The following PARN variants were observed in gnomAD, a reference collection of about 807,000 sequenced individuals.
The protein encoded by PARN is poly(A)-specific ribonuclease.
In PARN, 71 loss-of-function variants were observed where a neutral mutation model predicts 102.8. That is an observed-to-expected ratio of 0.69 (90% CI 0.57 to 0.84). The LOEUF (loss-of-function observed/expected upper bound fraction) is 0.84, where lower values mean the gene tolerates loss of function less well. PARN is among the 40% of genes least tolerant of loss of function. PARN has a pLI of 0.00. For missense variants in PARN, 782 were observed against 760.9 expected, an observed-to-expected ratio of 1.03 and a Z score of -0.33; for synonymous variants, 261 against 252.9, an observed-to-expected ratio of 1.03 and a Z score of -0.30.
intron 18 of PARN, chr16:14,565,197 A>T (rs1266034105): frequency 1.3e-5 from 2 of 152,156 alleles, no homozygotes; most frequent in African/African-American, 4.8e-5. Flanking sequence ...AAATAAGCTC[A>T]TTTATTTTGC....
chr16:14,588,824 G>A (rs1970007532), intron 13 of PARN, among the ~76,000 whole-genome samples: 1 of 152,118 alleles, frequency 6.6e-6, no homozygotes, highest in Admixed American at 6.6e-5. Context: ...GGAGGTTGCA[G>A]TGAGCCAAAA....
chr16:14,571,863 G>A (rs1391661214), intron 18 of PARN, among the ~76,000 whole-genome samples: 2 of 152,160 alleles, frequency 1.3e-5, no homozygotes, highest in African/African-American at 2.4e-5. Context: ...GAGCAGAGCC[G>A]GGATTCAACT....
chr16:14,567,221 A>G (rs1968487165), intron 18 of PARN, among the ~76,000 whole-genome samples: 1 of 152,230 alleles, frequency 6.6e-6, no homozygotes, highest in African/African-American at 2.4e-5. Context: ...CATCTTGTAT[A>G]TTAGGGGAAA....
Position 14,628,263 on chromosome 16 carries a change from G to A in PARN, c.98-12C>T. 1 of 1,534,576 alleles carries A rather than the reference G, an allele frequency of 6.5e-7. No individual in the cohort carries two copies. On this transcript the variant is annotated splice_polypyrimidine_tract_variant and intron_variant, in intron 2 of 23. Coordinates refer to ENST00000437198, the MANE Select transcript of PARN (RefSeq NM_002582.4). ...TCCATCACTGATTCCTAGATTTTAA[G>A]AAATAAAAATTTTTAGCTTACTAAT...
intron 21 of PARN, among the ~76,000 whole-genome samples, chr16:14,550,397 G>A (rs1026299942): frequency 3.9e-5 from 6 of 152,162 alleles, no homozygotes; most frequent in Non-Finnish European, 8.8e-5. Flanking sequence ...AAAGCTCAAA[G>A]CCATGCCAAG....
intron 13 of PARN, 41 bp from the exon 14 acceptor site, chr16:14,586,402 C>T (rs575369688): frequency 4.1e-5 from 49 of 1,204,210 alleles, no homozygotes; most frequent in Non-Finnish European, 5.4e-5. Flanking sequence ...TTTCCTAATA[C>T]ACTCGCAGTA....
chr16:14,558,058 T>C (rs2151714800), intron 18 of PARN, among the ~76,000 whole-genome samples: 1 of 152,366 alleles, frequency 6.6e-6, no homozygotes, highest in African/African-American at 2.4e-5. Context: ...TCATGCTTCA[T>C]ATAATTTTCA....
chr16:14,470,602 G>C (rs909298166), intron 22 of PARN, among the ~76,000 whole-genome samples: 1 of 145,860 alleles, frequency 6.9e-6, no homozygotes, highest in Non-Finnish European at 1.5e-5. Flanking sequence ...GGGACTACAG[G>C]GGCACACCAA....
chr16:14,493,454 G>A (rs930158505), intron 21 of PARN, among the ~76,000 whole-genome samples: 5 of 152,142 alleles, frequency 3.3e-5, no homozygotes, highest in Admixed American at 6.6e-5. Context: ...GGGCACAAGC[G>A]ATCCACCCAT....
At chr16:14,615,157 G>C (rs1029802615) in intron 6 of PARN, among the ~76,000 whole-genome samples, 4 of 152,160 alleles carry the variant, frequency 2.6e-5, no homozygotes, top group Admixed American at 6.6e-5. Flanking sequence ...GTCAGATTTA[G>C]AGCATATCAA....
At chr16:14,469,732 G>C (rs1362160501) in intron 22 of PARN, among the ~76,000 whole-genome samples, 1 of 150,904 alleles carries the variant, frequency 6.6e-6, no homozygotes, top group Non-Finnish European at 1.5e-5. Flanking sequence ...AGAACTACGA[G>C]GAAAATGTTA....
chr16:14,470,023 C>A (rs916592967), intron 22 of PARN, among the ~76,000 whole-genome samples: 5 of 152,064 alleles, frequency 3.3e-5, no homozygotes, highest in Admixed American at 6.5e-5. Flanking sequence ...AATAATATAA[C>A]ACATTGTTAG....
intron 18 of PARN, among the ~76,000 whole-genome samples, chr16:14,567,441 C>T (rs1713695394): frequency 6.6e-6 from 1 of 152,182 alleles, no homozygotes; most frequent in Non-Finnish European, 1.5e-5. Context: ...AACAATCATA[C>T]CACTGTCCAC....
intron 4 of PARN, 33 bp from the exon 5 acceptor site, chr16:14,627,220 A>G (rs1190928208): frequency 6.4e-7 from 1 of 1,560,864 alleles, no homozygotes; most frequent in Non-Finnish European, 8.8e-7. Flanking sequence ...TTAGGAGGTG[A>G]CATTGTGCCA....
intron 21 of PARN, among the ~76,000 whole-genome samples, chr16:14,528,165 C>T (rs1051659202): frequency 6.6e-5 from 10 of 152,206 alleles, no homozygotes; most frequent in African/African-American, 2.2e-4. Flanking sequence ...TACAACTTCA[C>T]CTTACAGCAA....
At chr16:14,542,482 T>C (rs1966847697) in intron 21 of PARN, among the ~76,000 whole-genome samples, 1 of 151,206 alleles carries the variant, frequency 6.6e-6, no homozygotes, top group Non-Finnish European at 1.5e-5. Flanking sequence ...CCACAGCCAG[T>C]AGACAAGGAC....
chr16:14,599,003 G>A (rs75691955), intron 12 of PARN, among the ~76,000 whole-genome samples: 8 of 145,748 alleles, frequency 5.5e-5, no homozygotes, highest in East Asian at 4.0e-4. Flanking sequence ...GTTTACCTAT[G>A]TAAAATGCGG....
At chr16:14,490,855 A>T (rs1964021282) in intron 21 of PARN, among the ~76,000 whole-genome samples, 1 of 152,198 alleles carries the variant, frequency 6.6e-6, no homozygotes, top group Non-Finnish European at 1.5e-5. Context: ...TCTCCAATTT[A>T]CCAGATAAGA....
intron 23 of PARN, among the ~76,000 whole-genome samples, chr16:14,444,316 T>G (rs1460462524): frequency 6.6e-6 from 1 of 151,932 alleles, no homozygotes; most frequent in Non-Finnish European, 1.5e-5. Context: ...TCTTTTTTTT[T>G]TGGCAGCACT....
Sources: allele counts gnomAD v4.1 joint callset (sites outside exome capture counted in the v4.1 genomes callset), GRCh38; gene constraint gnomAD v4.1.1; transcripts MANE v1.5; gene names NCBI Gene and HGNC (gene_info 2026-07-23, HGNC 2026-07-21).